Variants in CA10 observed in about 807,000 individuals in gnomAD.
The protein encoded by CA10 is carbonic anhydrase-related protein 10.
CA10 carries 14 observed loss-of-function variants against 44.2 expected under a neutral mutation model. The ratio of observed to expected loss-of-function variants is 0.32; its 90% CI spans 0.21 to 0.50. The LOEUF (loss-of-function observed/expected upper bound fraction) is 0.50. CA10 is among the 20% of genes least tolerant of loss of function. The pLI is 0.99. For synonymous variants in CA10, 159 were observed against 141.6 expected, an observed-to-expected ratio of 1.12 and a Z score of -0.87; for missense variants, 350 against 409.7, an observed-to-expected ratio of 0.85 and a Z score of 1.26.
chr17:52,110,231 C>A (rs1174129122), intron 1 of CA10, among the ~76,000 whole-genome samples: 2 of 152,216 alleles, frequency 1.3e-5, no homozygotes, highest in African/African-American at 4.8e-5. Context: ...AATAGCTTTT[C>A]ATTTGCTTTC....
At chr17:51,837,529 A>C (rs914567420) in intron 3 of CA10, among the ~76,000 whole-genome samples, 1 of 152,224 alleles carries the variant, frequency 6.6e-6, no homozygotes. Context: ...TAATTATCTG[A>C]AATGACATTG....
intron 1 of CA10, among the ~76,000 whole-genome samples, chr17:52,123,327 A>ATGTG (rs36182455): frequency 3.7e-4 from 55 of 147,104 alleles, no homozygotes; most frequent in South Asian, 1.8e-3. Flanking sequence ...TTACATATAT[A>ATGTG]TGTGTGTGTG....
chr17:51,962,157 G>T (rs956702651), intron 2 of CA10, among the ~76,000 whole-genome samples: 1 of 152,260 alleles, frequency 6.6e-6, no homozygotes, highest in Non-Finnish European at 1.5e-5. Context: ...TGCAGAAATT[G>T]TGGTGCAGTG....
intron 3 of CA10, among the ~76,000 whole-genome samples, chr17:51,789,879 G>A (rs955148252): frequency 1.3e-5 from 2 of 152,230 alleles, no homozygotes; most frequent in Non-Finnish European, 2.9e-5. Context: ...GAGATATTGT[G>A]GAGATGGCTC....
chr17:51,886,628 G>A (rs889926661), intron 3 of CA10, among the ~76,000 whole-genome samples: 6 of 152,158 alleles, frequency 3.9e-5, no homozygotes, highest in East Asian at 3.8e-4. Flanking sequence ...CTGCACTAAC[G>A]GATGCCCAGA....
At chr17:51,645,849 C>T (rs1913310389) in intron 6 of CA10, among the ~76,000 whole-genome samples, 1 of 152,182 alleles carries the variant, frequency 6.6e-6, no homozygotes, top group South Asian at 2.1e-4. Flanking sequence ...ATCTCCTTGG[C>T]AGGATTTTCA....
intron 3 of CA10, among the ~76,000 whole-genome samples, chr17:51,858,833 A>T (rs1389901593): frequency 6.6e-6 from 1 of 152,096 alleles, no homozygotes; most frequent in Admixed American, 6.6e-5. Context: ...AGGCCATATG[A>T]TGCAGTGATT....
At chr17:52,051,928 C>A (rs1294554986) in intron 2 of CA10, among the ~76,000 whole-genome samples, 1 of 152,042 alleles carries the variant, frequency 6.6e-6, no homozygotes, top group Admixed American at 6.6e-5. Flanking sequence ...TACATATACA[C>A]CATGGAATAC....
At chr17:51,931,264 G>C (rs1159669917) in intron 2 of CA10, 132 bp from the exon 3 acceptor site, 3 of 820,218 alleles carry the variant, frequency 3.7e-6, no homozygotes, top group South Asian at 1.8e-5. Flanking sequence ...GGAGATCCTT[G>C]GGGGTTGCTA....
intron 4 of CA10, among the ~76,000 whole-genome samples, chr17:51,733,017 T>TAA (rs1916774713): frequency 1.3e-5 from 2 of 152,042 alleles, no homozygotes; most frequent in Non-Finnish European, 2.9e-5. Flanking sequence ...ATCCCAAAGG[T>TAA]ATTCTAGTAA....
chr17:51,693,196 A>G (rs1401680561), intron 4 of CA10, among the ~76,000 whole-genome samples: 1 of 151,900 alleles, frequency 6.6e-6, no homozygotes, highest in South Asian at 2.1e-4. Context: ...TTCAGCTTTG[A>G]CCAGTTTCAG....
chr17:52,045,792 A>G (rs1203096073), intron 2 of CA10, among the ~76,000 whole-genome samples: 1 of 152,030 alleles, frequency 6.6e-6, no homozygotes, highest in African/African-American at 2.4e-5. Flanking sequence ...ACCAAATAAC[A>G]GCACTATATG....
At chr17:51,709,784 C>T (rs1915874613) in intron 4 of CA10, among the ~76,000 whole-genome samples, 1 of 152,142 alleles carries the variant, frequency 6.6e-6, no homozygotes. Flanking sequence ...ATTATATTCG[C>T]TTAGGTGAGC....
chr17:52,040,100 A>G (rs1986726216), intron 2 of CA10, among the ~76,000 whole-genome samples: 1 of 151,704 alleles, frequency 6.6e-6, no homozygotes, highest in African/African-American at 2.4e-5. Context: ...GAAGTAACAA[A>G]TATTCTTTAT....
intron 4 of CA10, among the ~76,000 whole-genome samples, chr17:51,698,231 A>G (rs1233589552): frequency 6.6e-6 from 1 of 152,186 alleles, no homozygotes; most frequent in Non-Finnish European, 1.5e-5. Flanking sequence ...GAAACTCAGA[A>G]AATGCTCTGC....
intron 4 of CA10, among the ~76,000 whole-genome samples, chr17:51,674,184 T>C (rs1914534076): frequency 6.6e-6 from 1 of 152,244 alleles, no homozygotes; most frequent in South Asian, 2.1e-4. Context: ...CAGTGGTTTA[T>C]AGAAATTATT....
At chr17:51,697,205 G>A (rs1346938350) in intron 4 of CA10, among the ~76,000 whole-genome samples, 2 of 152,104 alleles carry the variant, frequency 1.3e-5, no homozygotes, top group African/African-American at 4.8e-5. Flanking sequence ...CAGTAAAATG[G>A]GAACAGTAAC....
At position 51,819,152 on chromosome 17, in the gene CA10, T is replaced by G. The variant is rs1567849909; in HGVS notation, c.280-71334A>C. ...AAAATCACTGCTAGTTTAGGTCTCTTGCTTGGAATTACTAAATGTGAATTT... is the reference window on the plus strand; with the variant it reads ...AAAATCACTGCTAGTTTAGGTCTCTGGCTTGGAATTACTAAATGTGAATTT... On this transcript the variant is annotated intron_variant, in intron 3 of 8. Transcript: ENST00000451037. Among the ~76,000 whole-genome samples the G allele has an allele frequency of 2.0e-5, 3 of 152,242 alleles. No individual in the cohort carries two copies. The South Asian group carries it at 6.2e-4, about 32-fold the overall frequency.
chr17:51,964,234 C>T (rs2070426071), intron 2 of CA10, among the ~76,000 whole-genome samples: 1 of 152,010 alleles, frequency 6.6e-6, no homozygotes, highest in South Asian at 2.1e-4. Context: ...AATATATATG[C>T]ATCCAACATT....
Sources: gnomAD v4.1 joint callset for allele counts (sites outside exome capture counted in the v4.1 genomes callset) on GRCh38, gnomAD v4.1.1 for gene constraint, MANE v1.5 for transcripts, NCBI Gene and HGNC (gene_info 2026-07-23, HGNC 2026-07-21) for gene names.